TMEM131L: variants seen among roughly 807,000 people sequenced by gnomAD.
The protein encoded by TMEM131L is transmembrane protein 131-like.
TMEM131L carries 54 observed loss-of-function variants against 192.2 expected under a neutral mutation model. The observed-to-expected ratio is 0.28, with a 90% CI of 0.23 to 0.35. The LOEUF is 0.35. Ranked by LOEUF, TMEM131L falls within the 10% of genes least tolerant of loss-of-function variation. The pLI is 1.00. For missense variants in TMEM131L, 1,888 were observed against 1,972.9 expected (o/e 0.96, Z 0.82); for synonymous variants, 701 against 704.9 (o/e 0.99, Z 0.09).
In TMEM131L at chr4:153,557,132, A is replaced by AG. The variant is rs748585637; in HGVS notation, c.549+54dup. 1.3e-5 allele frequency: 11 copies of AG among 824,250 alleles called. No homozygotes were observed. In the South Asian group the frequency reaches 1.6e-4, roughly 12 times the overall value. The allele number at this position is 824,250 out of a possible 1,614,324, so 51.1% of individuals were successfully genotyped here. The stretch of plus-strand genomic sequence containing the variant: ...CAACTTTGGTTGGTGACTTAACTGT[A>AG]GGGGTGTGTGTGTATATTTTTAAAA... On this transcript the variant is annotated intron_variant, in intron 6 of 34. Coordinates refer to ENST00000409959, the MANE Select transcript of TMEM131L (RefSeq NM_001131007.2).
intron 3 of TMEM131L, among the ~76,000 whole-genome samples, chr4:153,521,158 T>C (rs1366983438): frequency 6.6e-6 from 1 of 152,166 alleles, no homozygotes; most frequent in Admixed American, 6.5e-5. Context: ...ATGGGGATGA[T>C]ACTGACTCTT....
chr4:153,566,097 T>C (rs1216585557), intron 7 of TMEM131L, among the ~76,000 whole-genome samples: 1 of 152,126 alleles, frequency 6.6e-6, no homozygotes, highest in Non-Finnish European at 1.5e-5. Context: ...TTGTAAATAA[T>C]GTTGTTGTTA....
At chr4:153,511,305 A>G (rs1431376293) in intron 3 of TMEM131L, among the ~76,000 whole-genome samples, 1 of 152,208 alleles carries the variant, frequency 6.6e-6, no homozygotes, top group Non-Finnish European at 1.5e-5. Context: ...ACAGCCATCA[A>G]AAAGAATGAG....
intron 3 of TMEM131L, among the ~76,000 whole-genome samples, chr4:153,484,305 A>C (rs1335337138): frequency 6.6e-6 from 1 of 152,156 alleles, no homozygotes; most frequent in African/African-American, 2.4e-5. Flanking sequence ...GTGGTGCCCA[A>C]TTAATGTTTT....
intron 10 of TMEM131L, 94 bp from the exon 11 acceptor site, chr4:153,583,470 G>T: frequency 1.1e-6 from 1 of 884,648 alleles, no homozygotes; most frequent in South Asian, 1.4e-5. Flanking sequence ...GCTATGTATG[G>T]CTGGTCTGTG....
At chr4:153,632,541 G>A (rs11099892) in intron 31 of TMEM131L, 177 bp from the exon 32 acceptor site, 385,673 of 664,380 alleles carry the variant, frequency 0.58, 116,580 homozygotes, top group Non-Finnish European at 0.62. Flanking sequence ...TGAAGAAACG[G>A]TCAAAACAAT....
chr4:153,607,722 C>G (rs977251065), intron 25 of TMEM131L, among the ~76,000 whole-genome samples: 2 of 152,086 alleles, frequency 1.3e-5, no homozygotes, highest in African/African-American at 4.8e-5. Context: ...CTGAGGCTTC[C>G]CCCCACCCCC....
chr4:153,547,687 C>G (rs11736770), intron 3 of TMEM131L, among the ~76,000 whole-genome samples: 35,545 of 152,148 alleles, frequency 0.23, 6,214 homozygotes, highest in African/African-American at 0.46. Flanking sequence ...CCATAGGCCT[C>G]GAGTGCTCTG....
intron 3 of TMEM131L, among the ~76,000 whole-genome samples, chr4:153,488,128 C>CGA (rs1236555808): frequency 2.1e-5 from 3 of 145,346 alleles, no homozygotes; most frequent in Admixed American, 2.1e-4. Flanking sequence ...AGAGAGAGAC[C>CGA]GAGACCGTTG....
chr4:153,602,252 G>C lies in TMEM131L; in HGVS notation c.2367G>C (p.Gly789=). 2 of 1,613,740 alleles carry C rather than the reference G, an allele frequency of 1.2e-6. No homozygotes were observed. The highest frequency in any genetic ancestry group is 1.1e-5 in the South Asian group (1 of 90,976). Residue 789 remains glycine, a synonymous_variant, in exon 22 of 35, where the codon GGG becomes GGC. Coordinates refer to ENST00000409959, the MANE Select transcript of TMEM131L (RefSeq NM_001131007.2). ...PITVSSLKIN[G]YNCQGYGFEV... ...CTGTTTCGTCTCTGAAAATTAATGG[G>C]TATAACTGCCAAGGTTATGGATTCG...
intron 7 of TMEM131L, among the ~76,000 whole-genome samples, chr4:153,566,984 G>A (rs545771526): frequency 6.6e-6 from 1 of 152,356 alleles, no homozygotes; most frequent in East Asian, 1.9e-4. Context: ...GTCCCGGGCT[G>A]CCTACAGCGT....
chr4:153,593,683 T>C, intron 18 of TMEM131L, 116 bp from the exon 19 acceptor site: 1 of 689,318 alleles, frequency 1.5e-6, no homozygotes, highest in South Asian at 1.6e-5. Flanking sequence ...TTTGTGTGTA[T>C]GTGTGTGCAA....
chr4:153,553,594 C>CT (rs980560045), intron 4 of TMEM131L, among the ~76,000 whole-genome samples: 1 of 152,112 alleles, frequency 6.6e-6, no homozygotes, highest in African/African-American at 2.4e-5. Flanking sequence ...GGTTCTCCTC[C>CT]TGATTTCTTC....
chr4:153,588,843 A>G, intron 15 of TMEM131L, 47 bp from the exon 16 acceptor site: 2 of 1,010,866 alleles, frequency 2.0e-6, no homozygotes, highest in Non-Finnish European at 3.1e-6. Flanking sequence ...TACTAATTGA[A>G]TTATGTTTTC....
intron 16 of TMEM131L, among the ~76,000 whole-genome samples, chr4:153,590,316 T>C (rs1018185601): frequency 1.3e-5 from 2 of 152,256 alleles, no homozygotes; most frequent in Admixed American, 1.3e-4. Flanking sequence ...TCTGGTTAAA[T>C]GTTTCTGGCA....
chr4:153,606,946 A>C (rs1393343650), intron 25 of TMEM131L, among the ~76,000 whole-genome samples: 2 of 152,240 alleles, frequency 1.3e-5, no homozygotes, highest in Admixed American at 1.3e-4. Flanking sequence ...TTGTACATGG[A>C]CATGCATTTT....
chr4:153,617,940 T>C (rs908553693), intron 26 of TMEM131L, among the ~76,000 whole-genome samples: 2 of 152,162 alleles, frequency 1.3e-5, no homozygotes, highest in African/African-American at 4.8e-5. Flanking sequence ...TTTTGAATGT[T>C]TTATTCTCTG....
At chr4:153,471,719 T>C (rs1278634216) in intron 2 of TMEM131L, among the ~76,000 whole-genome samples, 2 of 152,184 alleles carry the variant, frequency 1.3e-5, no homozygotes, top group African/African-American at 4.8e-5. Context: ...CGTTACCTGA[T>C]ACAGAATCAT....
intron 2 of TMEM131L, among the ~76,000 whole-genome samples, chr4:153,472,227 G>C (rs1664496354): frequency 6.6e-6 from 1 of 152,178 alleles, no homozygotes; most frequent in African/African-American, 2.4e-5. Context: ...AAGGTAATAA[G>C]AAAGTGACAG....
Sources: allele counts gnomAD v4.1 joint callset (sites outside exome capture counted in the v4.1 genomes callset), GRCh38; gene constraint gnomAD v4.1.1; transcripts MANE v1.5; gene names NCBI Gene and HGNC (gene_info 2026-07-23, HGNC 2026-07-21).